GTF2I: variants seen among roughly 807,000 people sequenced by gnomAD.
GTF2I encodes the protein general transcription factor IIi.
A neutral mutation model predicts 67.6 loss-of-function variants in GTF2I; 12 were observed. The observed-to-expected ratio is 0.18, with a 90% confidence interval of 0.11 to 0.29. The LOEUF is 0.29. GTF2I is among the 10% of genes least tolerant of loss of function. GTF2I has a pLI of 1.00. For synonymous variants in GTF2I, 149 were observed against 197.0 expected (o/e 0.76, Z 2.04); for missense variants, 271 against 580.1 (o/e 0.47, Z 5.47).
At chr7:74,696,389 C>T (rs1210925020) in intron 3 of GTF2I, among the ~76,000 whole-genome samples, 6 of 146,068 alleles carry the variant, frequency 4.1e-5, no homozygotes, top group Admixed American at 6.8e-5. Flanking sequence ...TGCAGTGGTG[C>T]GATCTTGGCT....
Position 74,714,921 on chromosome 7 carries a change from A to G in GTF2I, c.823+5A>G, listed in dbSNP as rs371522836. The G allele has an allele frequency of 8.5e-5, 134 of 1,580,106 alleles. 3 individuals are homozygous for G. The South Asian group carries it at 1.4e-3, about 16-fold the overall frequency. ...CCCTATCGAAGCCTTTGCAAGGTAT[A>G]ATCTTTTCACTTCCATTCTCCCACA... On this transcript the variant is annotated splice_donor_5th_base_variant and intron_variant, in intron 10 of 34. Coordinates refer to ENST00000573035, the MANE Select transcript of GTF2I (RefSeq NM_032999.4).
chr7:74,665,978 T>A (rs1804936778), intron 1 of GTF2I, among the ~76,000 whole-genome samples: 1 of 152,224 alleles, frequency 6.6e-6, no homozygotes, highest in Admixed American at 6.5e-5. Context: ...TAGCTGGGAC[T>A]ACAGGCGTGC....
At chr7:74,664,087 C>T (rs781933519) in intron 1 of GTF2I, among the ~76,000 whole-genome samples, 25 of 152,106 alleles carry the variant, frequency 1.6e-4, no homozygotes, top group Non-Finnish European at 2.8e-4. Flanking sequence ...CCTTGGCCTC[C>T]GAAAGTGCTG....
intron 19 of GTF2I, among the ~76,000 whole-genome samples, chr7:74,739,001 G>A (rs1342858491): frequency 2.0e-4 from 6 of 30,724 alleles, no homozygotes; most frequent in Non-Finnish European, 4.4e-4. Context: ...AGAGCTCTAA[G>A]TGTGCCTTTA....
chr7:74,694,085 A>G (rs912855578), intron 3 of GTF2I, among the ~76,000 whole-genome samples: 1 of 152,224 alleles, frequency 6.6e-6, no homozygotes, highest in Non-Finnish European at 1.5e-5. Flanking sequence ...TGAACACGCA[A>G]ATGATAAAGC....
intron 1 of GTF2I, among the ~76,000 whole-genome samples, chr7:74,670,590 C>T (rs1353087017): frequency 6.0e-5 from 9 of 150,740 alleles, no homozygotes; most frequent in African/African-American, 2.0e-4. Flanking sequence ...CCCAGGTACT[C>T]GAGGCAGGAG....
intron 7 of GTF2I, 73 bp from the exon 8 acceptor site, chr7:74,706,317 C>T (rs141631068): frequency 1.6e-6 from 2 of 1,289,218 alleles, no homozygotes; most frequent in African/African-American, 2.9e-5. Context: ...ACTTTGAGAC[C>T]CAGAGACTTT....
intron 1 of GTF2I, among the ~76,000 whole-genome samples, chr7:74,662,624 G>A (rs1272898222): frequency 2.1e-5 from 3 of 142,988 alleles, no homozygotes; most frequent in African/African-American, 7.8e-5. Context: ...CTGGGTTGAA[G>A]TGATTCTCCT....
At position 74,658,042 on chromosome 7, in the gene GTF2I, G is replaced by C. The variant is rs1554384470; in HGVS notation, c.-32G>C. The C allele has an allele frequency of 6.6e-6, 1 of 151,476 alleles. No homozygotes were observed. The highest frequency in any genetic ancestry group is 2.4e-5 in the African/African-American group (1 of 41,268). The allele number at this position is 151,476 out of a possible 1,614,324, so 9.4% of individuals were successfully genotyped here. A position where few individuals can be genotyped will look rare whatever the true frequency, so the allele number is the denominator to read the frequency against. ...CCTCCCCTCGGCACCCCCGGCCCCGGAGCTGCCTGGAGGCGGCCGCACTCG... is the reference window on the plus strand; with the variant it reads ...CCTCCCCTCGGCACCCCCGGCCCCGCAGCTGCCTGGAGGCGGCCGCACTCG... On this transcript the variant is annotated 5_prime_UTR_variant, in exon 1 of 35. Transcript: ENST00000573035.
intron 1 of GTF2I, among the ~76,000 whole-genome samples, chr7:74,685,817 G>A (rs587761231): frequency 1.3e-5 from 2 of 151,922 alleles, no homozygotes; most frequent in African/African-American, 4.8e-5. Flanking sequence ...CGGTAATCCG[G>A]CCGAGGCGGG....
At chr7:74,719,254 TTG>T (rs1426233541) in intron 12 of GTF2I, among the ~76,000 whole-genome samples, 14 of 152,090 alleles carry the variant, frequency 9.2e-5, no homozygotes, top group Non-Finnish European at 1.8e-4. Context: ...ATCTATTGGG[TTG>T]TGATAGAAGA....
At chr7:74,686,002 G>A (rs782444538) in intron 1 of GTF2I, among the ~76,000 whole-genome samples, 1 of 152,004 alleles carries the variant, frequency 6.6e-6, no homozygotes, top group African/African-American at 2.4e-5. Context: ...GCAGTGAGCC[G>A]AGATCGTGCC....
intron 1 of GTF2I, among the ~76,000 whole-genome samples, chr7:74,659,564 T>C (rs781948581): frequency 2.6e-5 from 4 of 152,064 alleles, no homozygotes; most frequent in Non-Finnish European, 4.4e-5. Context: ...AATTTTTGTA[T>C]TTTTAGTAGA....
At chr7:74,707,229 G>C (rs1554401647) in intron 8 of GTF2I, among the ~76,000 whole-genome samples, 1 of 152,228 alleles carries the variant, frequency 6.6e-6, no homozygotes, top group Non-Finnish European at 1.5e-5. Context: ...TCATTTCCCA[G>C]TGTTATCCTG....
chr7:74,752,981 T>C, intron 28 of GTF2I, 113 bp from the exon 29 acceptor site: 2 of 652,738 alleles, frequency 3.1e-6, no homozygotes, highest in South Asian at 2.0e-5. Flanking sequence ...GGAGGATCGC[T>C]TGAGCCCAAG....
chr7:74,658,550 C>G (rs1312239322), intron 1 of GTF2I, among the ~76,000 whole-genome samples: 6 of 149,912 alleles, frequency 4.0e-5, no homozygotes, highest in African/African-American at 1.5e-4. Context: ...GTCGTGGGGT[C>G]GCGCTCGCCT....
intron 3 of GTF2I, among the ~76,000 whole-genome samples, chr7:74,697,375 C>T (rs1391186329): frequency 6.6e-6 from 1 of 151,960 alleles, no homozygotes; most frequent in African/African-American, 2.4e-5. Context: ...AGCCTGGTGA[C>T]AGAGCAAGAC....
In GTF2I at chr7:74,698,395, T is replaced by C. The variant is rs1214739786; in HGVS notation, c.239-566T>C. 3.5e-5 allele frequency among the ~76,000 whole-genome samples: 5 copies of C among 141,424 alleles called. No individual in the cohort carries two copies. The East Asian group carries it at 1.0e-3, about 29-fold the overall frequency. The allele number at this position is 141,424 out of a possible 152,430, so 92.8% of individuals were successfully genotyped here. ...GTGAGCCACCGCACCTGGCCTTTTT[T>C]TTTTTTTTTTTTTTTTTTTTTAATT... On this transcript the variant is annotated intron_variant, in intron 3 of 34. Coordinates refer to ENST00000573035, the MANE Select transcript of GTF2I (RefSeq NM_032999.4).
intron 2 of GTF2I, 109 bp from the exon 3 acceptor site, chr7:74,690,864 T>C (rs35203738): frequency 0.77 from 810,871 of 1,052,782 alleles, 313,646 homozygotes; most frequent in East Asian, 0.94. Context: ...AAAACTATCT[T>C]GAAAGAGAAG....
Sources: gnomAD v4.1 joint callset for allele counts (sites outside exome capture counted in the v4.1 genomes callset) on GRCh38, gnomAD v4.1.1 for gene constraint, MANE v1.5 for transcripts, NCBI Gene and HGNC (gene_info 2026-07-23, HGNC 2026-07-21) for gene names.